TSPAN9: variants seen among roughly 807,000 people sequenced by gnomAD.
TSPAN9 encodes tetraspanin-9.
A neutral mutation model predicts 31.0 loss-of-function variants in TSPAN9; 16 were observed. The observed-to-expected ratio is 0.52, with a 90% CI of 0.35 to 0.78. The LOEUF is 0.78. Among genes scored for constraint, TSPAN9 ranks in the 30% least tolerant of loss-of-function variants. The pLI is 0.01. For missense variants in TSPAN9, 272 were observed against 312.5 expected (o/e 0.87, Z 0.98); for synonymous variants, 145 against 121.6 (o/e 1.19, Z -1.27).
intron 2 of TSPAN9, among the ~76,000 whole-genome samples, chr12:3,145,850 C>T (rs1483985171): frequency 1.3e-5 from 2 of 152,216 alleles, no homozygotes; most frequent in Admixed American, 1.3e-4. Context: ...AGCAAAACCT[C>T]CTCCTGGTGC....
rs563884468 is a variant in TSPAN9, at chr12:3,226,781, TATATATATATATA to T, written c.63+25526_63+25538del. On this transcript the variant is annotated intron_variant, in intron 3 of 8. Transcript: ENST00000011898. ...ATATATATATATATATATATATATA[TATATATATATATA>T]TTTTTTTTTTTTTTTCCCTCTTCGA... is the stretch of plus-strand genomic sequence containing the variant. Among the ~76,000 whole-genome samples the T allele has an allele frequency of 1.9e-3, 25 of 13,502 alleles. 2 individuals are homozygous for T. The highest frequency in any genetic ancestry group is 4.4e-3 in the Admixed American group (4 of 904). The allele number at this position is 13,502 out of a possible 152,430, so 8.9% of individuals were successfully genotyped here.
chr12:3,234,974 C>G (rs991437250), intron 3 of TSPAN9, among the ~76,000 whole-genome samples: 9 of 147,828 alleles, frequency 6.1e-5, no homozygotes, highest in African/African-American at 2.3e-4. Flanking sequence ...TCCTGGCTAA[C>G]ACGGTGAAAC....
At chr12:3,095,400 G>T (rs1307297519) in intron 2 of TSPAN9, among the ~76,000 whole-genome samples, 21 of 150,388 alleles carry the variant, frequency 1.4e-4, no homozygotes, top group Non-Finnish European at 2.1e-4. Flanking sequence ...CCTCCCAGAC[G>T]GGGTGGTGGC....
At chr12:3,266,356 T>C (rs1364102558) in intron 3 of TSPAN9, among the ~76,000 whole-genome samples, 1 of 152,136 alleles carries the variant, frequency 6.6e-6, no homozygotes, top group Non-Finnish European at 1.5e-5. Context: ...GTTGGGAGAA[T>C]TAAATGAGGC....
At chr12:3,251,092 A>G (rs955965458) in intron 3 of TSPAN9, among the ~76,000 whole-genome samples, 1 of 152,134 alleles carries the variant, frequency 6.6e-6, no homozygotes, top group Non-Finnish European at 1.5e-5. Context: ...TCCCCAGGTT[A>G]GTGTCTGAAG....
At chr12:3,203,247 G>C (rs57577607) in intron 3 of TSPAN9, among the ~76,000 whole-genome samples, 6,848 of 151,992 alleles carry the variant, frequency 0.045, 534 homozygotes, top group African/African-American at 0.15. Context: ...CTCCTCACTG[G>C]CTAGTACAGT....
At chr12:3,109,186 T>G (rs1235018408) in intron 2 of TSPAN9, among the ~76,000 whole-genome samples, 2 of 151,684 alleles carry the variant, frequency 1.3e-5, no homozygotes, top group East Asian at 3.9e-4. Flanking sequence ...TCCGCCCGCC[T>G]TGGCCTCCCA....
chr12:3,077,674 A>AGGGTGGGTGCG (rs1428588948), intron 1 of TSPAN9, among the ~76,000 whole-genome samples: 1 of 86,452 alleles, frequency 1.2e-5, no homozygotes, highest in African/African-American at 4.4e-5. Context: ...CGGGAAGGGG[A>AGGGTGGGTGCG]GGGTGGGTGC....
chr12:3,221,349 A>C (rs944087010), intron 3 of TSPAN9, among the ~76,000 whole-genome samples: 3 of 147,824 alleles, frequency 2.0e-5, no homozygotes, highest in African/African-American at 7.5e-5. Context: ...TTTTATTTAA[A>C]ATATTTTTCT....
chr12:3,135,263 A>G (rs1352850027), intron 2 of TSPAN9, among the ~76,000 whole-genome samples: 1 of 152,016 alleles, frequency 6.6e-6, no homozygotes, highest in Non-Finnish European at 1.5e-5. Context: ...TTTAAATTTG[A>G]TTTGTAAAGA....
At chr12:3,140,826 G>A (rs867172522) in intron 2 of TSPAN9, among the ~76,000 whole-genome samples, 2 of 152,210 alleles carry the variant, frequency 1.3e-5, no homozygotes, top group Admixed American at 6.5e-5. Context: ...GGGTTCAGGA[G>A]TGTGGACCAG....
chr12:3,197,396 C>T (rs957217643), intron 2 of TSPAN9, among the ~76,000 whole-genome samples: 3 of 152,326 alleles, frequency 2.0e-5, no homozygotes, highest in African/African-American at 2.4e-5. Flanking sequence ...GACATCTGCC[C>T]CTTCATCTCC....
rs565018142 is a variant in TSPAN9, at chr12:3,110,073, G to A, written c.-18+26354G>A. Among the ~76,000 whole-genome samples, 222 of 152,030 alleles carry A rather than the reference G, an allele frequency of 1.5e-3. 1 individual carries two copies. Among genetic ancestry groups the A allele is most frequent in the African/African-American group, 5.1e-3 (210 of 41,424 alleles). ...TCCCACTCCCCAGATCTCTGCCCCC[G>A]CTTCCCTTAGCCAGGTAAGTGTCCC... On this transcript the variant is annotated intron_variant, in intron 2 of 8. Coordinates refer to ENST00000011898, the MANE Select transcript of TSPAN9 (RefSeq NM_006675.5).
intron 1 of TSPAN9, among the ~76,000 whole-genome samples, chr12:3,082,918 C>G (rs1717582067): frequency 6.6e-6 from 1 of 152,200 alleles, no homozygotes; most frequent in African/African-American, 2.4e-5. Context: ...ACAGAGTAGG[C>G]ACAGTGGACC....
In TSPAN9 at chr12:3,151,692, A is replaced by G. The variant is rs76888901; in HGVS notation, c.-17-49485A>G. On this transcript the variant is annotated intron_variant, in intron 2 of 8. Transcript: ENST00000011898. Reference sequence around the variant, plus strand: ...TTCCTTAAACCCAGATATGAAACAGAATAGGGCAGCCTCCAACGTGAAATG... The same window carrying G: ...TTCCTTAAACCCAGATATGAAACAGGATAGGGCAGCCTCCAACGTGAAATG... Among the ~76,000 whole-genome samples the G allele has an allele frequency of 1.3e-3, 203 of 152,218 alleles. 3 individuals are homozygous for G. The East Asian group carries it at 0.036, about 27-fold the overall frequency.
At chr12:3,213,407 C>T (rs1053990231) in intron 3 of TSPAN9, among the ~76,000 whole-genome samples, 2 of 148,366 alleles carry the variant, frequency 1.3e-5, no homozygotes, top group Admixed American at 6.7e-5. Context: ...CTTGTCAGGC[C>T]GATAAGCCTG....
At chr12:3,181,144 G>A (rs79222497) in intron 2 of TSPAN9, among the ~76,000 whole-genome samples, 6,176 of 152,174 alleles carry the variant, frequency 0.041, 404 homozygotes, top group African/African-American at 0.14. Flanking sequence ...CTGGCGCCCG[G>A]GAGAGGAATT....
chr12:3,166,623 A>T (rs191101870), intron 2 of TSPAN9, among the ~76,000 whole-genome samples: 25 of 152,352 alleles, frequency 1.6e-4, no homozygotes, highest in African/African-American at 6.0e-4. Context: ...GCAGCATTTG[A>T]TGAATTTTTA....
At chr12:3,094,538 G>GT (rs3062035) in intron 2 of TSPAN9, among the ~76,000 whole-genome samples, 3,552 of 142,544 alleles carry the variant, frequency 0.025, 117 homozygotes, top group African/African-American at 0.078. Context: ...TGTTGTTGTT[G>GT]TTTTTTTTTT....
Sources: allele counts gnomAD v4.1 joint callset (sites outside exome capture counted in the v4.1 genomes callset), GRCh38; gene constraint gnomAD v4.1.1; transcripts MANE v1.5; gene names NCBI Gene and HGNC (gene_info 2026-07-23, HGNC 2026-07-21).